ATRN: variants seen among roughly 807,000 people sequenced by gnomAD.
ATRN encodes attractin-2.
A neutral mutation model predicts 178.7 loss-of-function variants in ATRN; 54 were observed. The observed-to-expected ratio is 0.30, with a 90% CI of 0.24 to 0.38. ATRN has a LOEUF of 0.38. Among genes scored for constraint, ATRN ranks in the 10% least tolerant of loss-of-function variants. ATRN has a pLI of 1.00. For missense variants in ATRN, 1,443 were observed against 1,815.1 expected, an observed-to-expected ratio of 0.79 and a Z score of 3.73; for synonymous variants, 636 against 663.0, an observed-to-expected ratio of 0.96 and a Z score of 0.63.
At chr20:3,494,512 G>A (rs778497589) in intron 1 of ATRN, among the ~76,000 whole-genome samples, 1 of 152,168 alleles carries the variant, frequency 6.6e-6, no homozygotes, top group African/African-American at 2.4e-5. Flanking sequence ...CTAGGAGGAG[G>A]AGAATTTGAA....
chr20:3,638,584 A>G lies in ATRN; in HGVS notation c.3943-244A>G, dbSNP rs2087042850. Among the ~76,000 whole-genome samples, 1 of 152,214 alleles carries G rather than the reference A, an allele frequency of 6.6e-6. No individual in the cohort carries two copies. The highest frequency in any genetic ancestry group is 2.4e-5 in the African/African-American group (1 of 41,448). On this transcript the variant is annotated intron_variant, in intron 26 of 28. Transcript: ENST00000262919. This position sits in a 1 kb window ranked among gnomAD's most constrained non-coding sequence, Gnocchi z 4.5. ...CTTCGCTACTGTAAATAGTGCTGCAATAAACATCGTACGTTAATATGTATC... is the reference window on the plus strand; with the variant it reads ...CTTCGCTACTGTAAATAGTGCTGCAGTAAACATCGTACGTTAATATGTATC...
At chr20:3,541,073 A>T (rs2085612021) in intron 3 of ATRN, among the ~76,000 whole-genome samples, 2 of 137,498 alleles carry the variant, frequency 1.5e-5, no homozygotes, top group South Asian at 2.3e-4. Context: ...TACATGATAG[A>T]GGATTTTTTT....
intron 11 of ATRN, among the ~76,000 whole-genome samples, chr20:3,566,287 A>C (rs1195933625): frequency 1.3e-5 from 2 of 152,170 alleles, no homozygotes; most frequent in Non-Finnish European, 2.9e-5. Flanking sequence ...TGCCTGGCCC[A>C]AACTACCAGA....
chr20:3,633,904 G>T (rs1247803478), intron 25 of ATRN, among the ~76,000 whole-genome samples: 1 of 152,122 alleles, frequency 6.6e-6, no homozygotes, highest in Non-Finnish European at 1.5e-5. Context: ...AAAGTTGATT[G>T]TTACTTTAAT....
intron 24 of ATRN, among the ~76,000 whole-genome samples, chr20:3,609,425 T>A (rs2086729330): frequency 6.6e-6 from 1 of 152,202 alleles, no homozygotes; most frequent in Non-Finnish European, 1.5e-5. Context: ...CTTAGTTTGG[T>A]GGAGCTTTTA....
intron 1 of ATRN, among the ~76,000 whole-genome samples, chr20:3,503,944 A>G (rs996469522): frequency 1.3e-5 from 2 of 152,174 alleles, no homozygotes; most frequent in African/African-American, 4.8e-5. Flanking sequence ...GCGAAGAGAA[A>G]GTCTTGAAAG....
At chr20:3,519,464 A>G (rs2085258502) in intron 1 of ATRN, among the ~76,000 whole-genome samples, 1 of 152,230 alleles carries the variant, frequency 6.6e-6, no homozygotes, top group Non-Finnish European at 1.5e-5. Flanking sequence ...TACATGAATT[A>G]AAAGAGGGGC....
At chr20:3,583,823 A>T in intron 16 of ATRN, 75 bp from the exon 17 acceptor site, 1 of 1,429,106 alleles carries the variant, frequency 7.0e-7, no homozygotes, top group Non-Finnish European at 9.6e-7. Flanking sequence ...AAAAAAGAAA[A>T]GAAAGAAAGA....
chr20:3,471,212 G>A lies in ATRN; in HGVS notation c.105G>A (p.Val35=). The change falls in exon 1 of 29, where the codon GTG becomes GTA. Residue 35 remains valine, a synonymous_variant. Coordinates refer to ENST00000262919, the MANE Select transcript of ATRN (RefSeq NM_139321.3). ...RSGGPHWDWD[V]TRAGRPGLGA... ...GCGGGCCGCACTGGGACTGGGACGT[G>A]ACCAGGGCTGGGAGGCCGGGGCTGG... The A allele has an allele frequency of 6.7e-7, 1 of 1,487,612 alleles. No homozygotes were observed. The highest frequency in any genetic ancestry group is 1.5e-5 in the African/African-American group (1 of 68,740). 92.2% of individuals were successfully genotyped at this position (1,487,612 alleles called of 1,614,324 possible). A position where few individuals can be genotyped will look rare whatever the true frequency, so the allele number is the denominator to read the frequency against.
rs2086998315 is a variant in ATRN, at chr20:3,632,782, A to C, written c.3864-1529A>C. ...GGAATGTAAATTCCATGGGACAGTA[A>C]TCTTTGCTCTGTTTATCAGTGTTTT... On this transcript the variant is annotated intron_variant, in intron 25 of 28. Coordinates refer to ENST00000262919, the MANE Select transcript of ATRN (RefSeq NM_139321.3). This position sits in a 1 kb window ranked among gnomAD's most constrained non-coding sequence, Gnocchi z 4.2. Among the ~76,000 whole-genome samples the C allele has an allele frequency of 1.3e-5, 2 of 152,154 alleles. No homozygotes were observed.
At chr20:3,532,840 G>T (rs1013695225) in intron 1 of ATRN, among the ~76,000 whole-genome samples, 2 of 151,896 alleles carry the variant, frequency 1.3e-5, no homozygotes, top group African/African-American at 4.8e-5. Context: ...TTGGCTCACT[G>T]CAAGCTCTGC....
At chr20:3,610,351 A>G (rs1028461843) in intron 24 of ATRN, among the ~76,000 whole-genome samples, 2 of 152,168 alleles carry the variant, frequency 1.3e-5, no homozygotes, top group African/African-American at 4.8e-5. Context: ...ACACAGATCA[A>G]TGGGATAGGC....
chr20:3,566,943 CAT>C (rs2086045451), intron 11 of ATRN, among the ~76,000 whole-genome samples: 1 of 143,424 alleles, frequency 7.0e-6, no homozygotes, highest in Non-Finnish European at 1.5e-5. Flanking sequence ...GAGAAGGTGA[CAT>C]ATTTTGGAGA....
At chr20:3,500,079 A>G (rs1412419990) in intron 1 of ATRN, among the ~76,000 whole-genome samples, 3 of 152,320 alleles carry the variant, frequency 2.0e-5, no homozygotes, top group African/African-American at 7.2e-5. Context: ...AAACACATGA[A>G]AAAATGCTCA....
At chr20:3,512,087 A>T (rs1312153487) in intron 1 of ATRN, among the ~76,000 whole-genome samples, 22 of 111,270 alleles carry the variant, frequency 2.0e-4, no homozygotes, top group African/African-American at 5.6e-4. Context: ...TTTTTCTTTT[A>T]TATATATATA....
intron 6 of ATRN, among the ~76,000 whole-genome samples, chr20:3,557,533 T>TAAACA (rs1219010056): frequency 1.3e-5 from 2 of 152,088 alleles, no homozygotes; most frequent in African/African-American, 2.4e-5. Context: ...GAGCTCTACT[T>TAAACA]AAACAAAACA....
intron 28 of ATRN, among the ~76,000 whole-genome samples, chr20:3,646,240 C>A (rs1045615756): frequency 5.9e-5 from 9 of 152,178 alleles, no homozygotes; most frequent in Admixed American, 2.0e-4. Flanking sequence ...GTGACTAATG[C>A]TGACTGAGTG....
At chr20:3,599,382 G>A (rs1029062809) in intron 22 of ATRN, among the ~76,000 whole-genome samples, 1 of 152,074 alleles carries the variant, frequency 6.6e-6, no homozygotes, top group Non-Finnish European at 1.5e-5. Flanking sequence ...TTAACCAGGT[G>A]GGAAGCAACC....
intron 24 of ATRN, among the ~76,000 whole-genome samples, chr20:3,618,728 G>C (rs2086871859): frequency 6.6e-6 from 1 of 152,192 alleles, no homozygotes; most frequent in African/African-American, 2.4e-5. Flanking sequence ...TTCTGTGCCA[G>C]CACAAACCAG....
Sources: allele counts gnomAD v4.1 joint callset (sites outside exome capture counted in the v4.1 genomes callset), GRCh38; gene constraint gnomAD v4.1.1; non-coding constraint Gnocchi (gnomAD v3.1); transcripts MANE v1.5; gene names NCBI Gene and HGNC (gene_info 2026-07-23, HGNC 2026-07-21).